Variants in FHIT observed in about 807,000 individuals in gnomAD.
The protein encoded by FHIT is bis(5'-adenosyl)-triphosphatase.
In FHIT, 19 loss-of-function variants were observed where a neutral mutation model predicts 17.9. The observed-to-expected ratio is 1.06, with a 90% CI of 0.74 to 1.56. FHIT has a LOEUF of 1.56. Among genes scored for constraint, FHIT ranks in the 40% most tolerant of loss-of-function variants. The pLI is 0.00. For synonymous variants in FHIT, 81 were observed against 69.7 expected, an observed-to-expected ratio of 1.16 and a Z score of -0.81; for missense variants, 248 against 189.2, an observed-to-expected ratio of 1.31 and a Z score of -1.82.
chr3:60,036,921 T>C (rs1194925651), intron 5 of FHIT, among the ~76,000 whole-genome samples: 2 of 152,244 alleles, frequency 1.3e-5, no homozygotes, highest in African/African-American at 4.8e-5. Flanking sequence ...AATATCAGTG[T>C]AGTCTTCACC....
At chr3:59,822,180 T>G (rs1166105281) in intron 8 of FHIT, among the ~76,000 whole-genome samples, 1 of 152,230 alleles carries the variant, frequency 6.6e-6, no homozygotes. Flanking sequence ...ATACCACAAT[T>G]TCTTTATCCA....
At chr3:61,235,970 A>C (rs1221212161) in intron 1 of FHIT, among the ~76,000 whole-genome samples, 1 of 151,884 alleles carries the variant, frequency 6.6e-6, no homozygotes, top group Non-Finnish European at 1.5e-5. Flanking sequence ...TTAGTGCTTA[A>C]TATGTACCAG....
chr3:59,898,431 C>T lies in FHIT; in HGVS notation c.348+23915G>A, dbSNP rs899050864. On this transcript the variant is annotated intron_variant, in intron 8 of 9. Transcript: ENST00000492590. ...TTCACCATATTTGTATATATGTGTG[C>T]GTGTGTATGTTTGTGTGTGTGTGTG... Among the ~76,000 whole-genome samples the T allele has an allele frequency of 7.7e-5, 11 of 142,198 alleles. 1 individual carries two copies. Among genetic ancestry groups the T allele is most frequent in the South Asian group, 2.3e-4 (1 of 4,426 alleles). 93.3% of individuals were successfully genotyped at this position (142,198 alleles called of 152,430 possible).
At chr3:59,935,033 G>C (rs1706165071) in intron 7 of FHIT, among the ~76,000 whole-genome samples, 1 of 152,094 alleles carries the variant, frequency 6.6e-6, no homozygotes, top group Non-Finnish European at 1.5e-5. Flanking sequence ...TCTCAGATGA[G>C]GTCATCTCTA....
chr3:61,198,540 G>C (rs2038920625), intron 2 of FHIT, among the ~76,000 whole-genome samples: 1 of 151,592 alleles, frequency 6.6e-6, no homozygotes, highest in Non-Finnish European at 1.5e-5. Context: ...TTGGTGGGGG[G>C]GTTCCCTCTA....
At chr3:61,063,691 C>A (rs1238151639) in intron 2 of FHIT, among the ~76,000 whole-genome samples, 1 of 152,072 alleles carries the variant, frequency 6.6e-6, no homozygotes, top group Non-Finnish European at 1.5e-5. Context: ...AAGTGCATGA[C>A]AGAAAGAGTG....
chr3:60,318,425 G>A (rs1709267503), intron 5 of FHIT, among the ~76,000 whole-genome samples: 1 of 152,054 alleles, frequency 6.6e-6, no homozygotes, highest in African/African-American at 2.4e-5. Flanking sequence ...TCTGGGGGGT[G>A]AAAAAATAAA....
chr3:61,055,326 T>C (rs1332996742), intron 2 of FHIT, among the ~76,000 whole-genome samples: 3 of 152,142 alleles, frequency 2.0e-5, no homozygotes, highest in East Asian at 3.9e-4. Context: ...TCAAAGGTAA[T>C]ACAGTGCTCA....
At chr3:61,132,505 T>A (rs1394710166) in intron 2 of FHIT, among the ~76,000 whole-genome samples, 1 of 152,176 alleles carries the variant, frequency 6.6e-6, no homozygotes, top group Non-Finnish European at 1.5e-5. Context: ...GGGAGCTCTA[T>A]GAGAGAAACA....
intron 5 of FHIT, among the ~76,000 whole-genome samples, chr3:60,495,188 C>T (rs989512839): frequency 3.3e-5 from 5 of 151,734 alleles, no homozygotes; most frequent in Admixed American, 2.0e-4. Flanking sequence ...GATGATATCT[C>T]GTTGTAGTTC....
chr3:60,028,107 C>T (rs897306819), intron 5 of FHIT, among the ~76,000 whole-genome samples: 1 of 152,164 alleles, frequency 6.6e-6, no homozygotes, highest in Non-Finnish European at 1.5e-5. Context: ...AGTGGTGGAA[C>T]TGGCACAACT....
intron 2 of FHIT, among the ~76,000 whole-genome samples, chr3:61,060,789 C>T (rs2034400756): frequency 6.6e-6 from 1 of 152,220 alleles, no homozygotes. Context: ...GGAAGGCTGT[C>T]AATGTCAATC....
At chr3:60,391,673 G>C (rs1000031966) in intron 5 of FHIT, among the ~76,000 whole-genome samples, 7 of 152,254 alleles carry the variant, frequency 4.6e-5, no homozygotes, top group Non-Finnish European at 8.8e-5. Context: ...ATGCTGTGCA[G>C]GTATGTATAG....
intron 5 of FHIT, among the ~76,000 whole-genome samples, chr3:60,028,904 T>C (rs965632917): frequency 6.8e-6 from 1 of 146,436 alleles, no homozygotes; most frequent in Non-Finnish European, 1.5e-5. Context: ...ACACAAAGGA[T>C]GAAATATTGG....
intron 3 of FHIT, among the ~76,000 whole-genome samples, chr3:60,916,455 T>C (rs1707008699): frequency 6.6e-6 from 1 of 152,198 alleles, no homozygotes; most frequent in Admixed American, 6.5e-5. Flanking sequence ...TGATCCTTTC[T>C]CTCTTAAAAA....
At chr3:60,327,037 C>A (rs1709725937) in intron 5 of FHIT, among the ~76,000 whole-genome samples, 1 of 152,146 alleles carries the variant, frequency 6.6e-6, no homozygotes, top group African/African-American at 2.4e-5. Context: ...CAGGTCTCCT[C>A]CTCATGGAGG....
chr3:60,212,703 G>C (rs892076610), intron 5 of FHIT, among the ~76,000 whole-genome samples: 9 of 152,148 alleles, frequency 5.9e-5, no homozygotes, highest in African/African-American at 1.9e-4. Flanking sequence ...AATATGGTTT[G>C]CAAGGCATAT....
At chr3:59,938,833 T>C (rs1418407250) in intron 7 of FHIT, among the ~76,000 whole-genome samples, 2 of 152,134 alleles carry the variant, frequency 1.3e-5, no homozygotes, top group Non-Finnish European at 2.9e-5. Flanking sequence ...GGAGCTCTGA[T>C]TTGATAGCTT....
chr3:61,011,201 T>C (rs1348974450), intron 3 of FHIT, among the ~76,000 whole-genome samples: 5 of 152,194 alleles, frequency 3.3e-5, no homozygotes, highest in South Asian at 2.1e-4. Flanking sequence ...ATAACTGTGG[T>C]TGTGGAATTC....
Sources: gnomAD v4.1 joint callset for allele counts (sites outside exome capture counted in the v4.1 genomes callset) on GRCh38, gnomAD v4.1.1 for gene constraint, MANE v1.5 for transcripts, NCBI Gene and HGNC (gene_info 2026-07-23, HGNC 2026-07-21) for gene names.